The following DYM variants were observed in gnomAD, a reference collection of about 807,000 sequenced individuals.
DYM encodes dymeclin, also known as dyggve-Melchior-Clausen syndrome protein.
Under a neutral mutation model 93.1 loss-of-function variants are expected in DYM, and 78 were observed. The observed-to-expected ratio is 0.84, with a 90% CI of 0.70 to 1.01. DYM has a LOEUF of 1.01. Ranked by LOEUF, DYM falls within the 50% of genes least tolerant of loss-of-function variation. DYM has a pLI of 0.00. For missense variants in DYM, 789 were observed against 845.0 expected (o/e 0.93, Z 0.82); for synonymous variants, 321 against 319.7 (o/e 1.00, Z -0.04).
chr18:49,093,654 C>T (rs1303233160), intron 17 of DYM, among the ~76,000 whole-genome samples: 2 of 152,060 alleles, frequency 1.3e-5, no homozygotes, highest in Non-Finnish European at 2.9e-5. Flanking sequence ...TAGAGATACA[C>T]GAGGAGTGTG....
intron 8 of DYM, among the ~76,000 whole-genome samples, chr18:49,322,000 A>G (rs1335508045): frequency 6.6e-6 from 1 of 152,156 alleles, no homozygotes; most frequent in Non-Finnish European, 1.5e-5. Context: ...TGAAGAGAAA[A>G]ATAACAATCA....
intron 15 of DYM, among the ~76,000 whole-genome samples, chr18:49,147,761 C>T (rs572779383): frequency 3.3e-5 from 5 of 152,198 alleles, no homozygotes; most frequent in South Asian, 2.1e-4. Context: ...TAAACTAGTT[C>T]AACCATTGTG....
At chr18:49,123,398 A>G (rs971758265) in intron 15 of DYM, among the ~76,000 whole-genome samples, 1 of 152,198 alleles carries the variant, frequency 6.6e-6, no homozygotes, top group Non-Finnish European at 1.5e-5. Flanking sequence ...GTTTGTTTCA[A>G]GATCCCATGG....
intron 15 of DYM, among the ~76,000 whole-genome samples, chr18:49,136,338 T>C (rs991177097): frequency 7.2e-5 from 11 of 152,222 alleles, no homozygotes; most frequent in Non-Finnish European, 1.5e-5. Flanking sequence ...AGCATACATA[T>C]ATGTTATATA....
chr18:49,303,932 T>C (rs1352575395), intron 8 of DYM, among the ~76,000 whole-genome samples: 2 of 152,226 alleles, frequency 1.3e-5, no homozygotes, highest in African/African-American at 4.8e-5. Context: ...CTGCTATGCA[T>C]GCAGTGCTTG....
intron 13 of DYM, among the ~76,000 whole-genome samples, chr18:49,255,610 T>C (rs1427734311): frequency 6.7e-6 from 1 of 148,582 alleles, no homozygotes; most frequent in East Asian, 2.0e-4. Flanking sequence ...GAGGTGGAGG[T>C]TGCAGCGAGC....
chr18:49,360,259 CAA>C (rs5824786), intron 6 of DYM, among the ~76,000 whole-genome samples: 61 of 115,300 alleles, frequency 5.3e-4, no homozygotes, highest in Middle Eastern at 4.5e-3. Context: ...TCAATAAAGG[CAA>C]AAAAAAAAAA....
chr18:49,054,265 G>A (rs948712162), intron 17 of DYM, among the ~76,000 whole-genome samples: 2 of 152,096 alleles, frequency 1.3e-5, no homozygotes, highest in African/African-American at 2.4e-5. Context: ...TTATTGAGAC[G>A]GAGTCTTGCT....
chr18:49,439,378 T>C (rs2081125155), intron 1 of DYM, among the ~76,000 whole-genome samples: 1 of 152,190 alleles, frequency 6.6e-6, no homozygotes, highest in Non-Finnish European at 1.5e-5. Context: ...CATTCCTCCC[T>C]GTTACCCCTT....
At chr18:49,091,293 A>G (rs1221137329) in intron 17 of DYM, among the ~76,000 whole-genome samples, 2 of 152,204 alleles carry the variant, frequency 1.3e-5, no homozygotes. Context: ...ATAAATAATT[A>G]TACAGTATGC....
intron 8 of DYM, chr18:49,329,543 T>C (rs1210309114): frequency 1.3e-5 from 2 of 152,086 alleles, no homozygotes; most frequent in African/African-American, 2.4e-5. Context: ...TCTGTAAAAG[T>C]AAATGAGAAG....
At chr18:49,358,938 A>C (rs1174795652) in intron 6 of DYM, among the ~76,000 whole-genome samples, 2 of 152,344 alleles carry the variant, frequency 1.3e-5, no homozygotes, top group East Asian at 3.9e-4. Context: ...AAGCAGCCCC[A>C]AAATACAAGG....
At chr18:49,421,342 T>A (rs1423850920) in intron 2 of DYM, among the ~76,000 whole-genome samples, 1 of 152,152 alleles carries the variant, frequency 6.6e-6, no homozygotes, top group Non-Finnish European at 1.5e-5. Context: ...TGTTCTGCAA[T>A]ATTTACGGTT....
chr18:49,266,117 AAATT>A (rs559054866), intron 11 of DYM, among the ~76,000 whole-genome samples: 269 of 152,256 alleles, frequency 1.8e-3, no homozygotes, highest in African/African-American at 6.1e-3. Flanking sequence ...AATTTTTACA[AAATT>A]AAATAATTAA....
At chr18:49,297,686 TC>T (rs1323747060) in intron 8 of DYM, among the ~76,000 whole-genome samples, 1 of 152,092 alleles carries the variant, frequency 6.6e-6, no homozygotes, top group Admixed American at 6.6e-5. Flanking sequence ...TGATTTTTTT[TC>T]CTCATCAAAA....
At chr18:49,353,170 C>G (rs572458499) in intron 6 of DYM, among the ~76,000 whole-genome samples, 3 of 152,264 alleles carry the variant, frequency 2.0e-5, no homozygotes, top group Admixed American at 2.0e-4. Context: ...TTTAGATTAT[C>G]TATCCCCTAA....
intron 11 of DYM, among the ~76,000 whole-genome samples, chr18:49,264,766 A>G (rs2145346082): frequency 6.6e-6 from 1 of 152,366 alleles, no homozygotes; most frequent in East Asian, 1.9e-4. Flanking sequence ...ATCTCTAGAC[A>G]TGGTAATAGG....
intron 1 of DYM, among the ~76,000 whole-genome samples, chr18:49,441,213 T>A (rs766110991): frequency 5.0e-5 from 2 of 40,014 alleles, no homozygotes; most frequent in African/African-American, 9.4e-5. Context: ...ATTATATATA[T>A]TATATATAAT....
chr18:49,125,055 C>T (rs1158913033), intron 15 of DYM, among the ~76,000 whole-genome samples: 1 of 152,054 alleles, frequency 6.6e-6, no homozygotes, highest in Non-Finnish European at 1.5e-5. Context: ...GTCAAGAGAT[C>T]GAGACCATCC....
Sources: gnomAD v4.1 joint callset for allele counts (sites outside exome capture counted in the v4.1 genomes callset) on GRCh38, gnomAD v4.1.1 for gene constraint, MANE v1.5 for transcripts, NCBI Gene and HGNC (gene_info 2026-07-23, HGNC 2026-07-21) for gene names.